The following GRAMD1A variants were observed in gnomAD, a reference collection of about 807,000 sequenced individuals.
GRAMD1A encodes protein Aster-A.
A neutral mutation model predicts 92.0 loss-of-function variants in GRAMD1A; 50 were observed. That is an observed-to-expected ratio of 0.54 (90% CI 0.43 to 0.69). The LOEUF (loss-of-function observed/expected upper bound fraction) is 0.69, where lower values mean the gene tolerates loss of function less well. GRAMD1A is among the 30% of genes least tolerant of loss of function. The probability of loss-of-function intolerance (pLI) is 0.00; values close to 1 mark genes in which losing one functional copy is unlikely to be tolerated. For missense variants in GRAMD1A, 819 were observed against 978.9 expected, an observed-to-expected ratio of 0.84 and a Z score of 2.18; for synonymous variants, 405 against 403.6, an observed-to-expected ratio of 1.00 and a Z score of -0.04.
chr19:35,007,155 C>T (rs2014881548), intron 1 of GRAMD1A, among the ~76,000 whole-genome samples: 1 of 152,190 alleles, frequency 6.6e-6, no homozygotes, highest in South Asian at 2.1e-4. Context: ...AGACCTGACT[C>T]AGATGGTCAC....
At position 35,014,218 on chromosome 19, in the gene GRAMD1A, C is replaced by T. The variant is rs2015460023; in HGVS notation, c.900C>T (p.Asp300=). ...AGGAGGACAAGGAGGAGCAGGTAGACAGCCAGCCAGACGCCTCCTCCAGCC... is the reference window on the plus strand; with the variant it reads ...AGGAGGACAAGGAGGAGCAGGTAGATAGCCAGCCAGACGCCTCCTCCAGCC... ...GAEEDKEEQV[D]SQPDASSSQT... Residue 300 remains aspartate (D), a synonymous_variant, in exon 10 of 20, where the codon GAC becomes GAT. Transcript: ENST00000317991. 1.2e-6 allele frequency: 2 copies of T among 1,613,720 alleles called. No homozygotes were observed. Among genetic ancestry groups the T allele is most frequent in the East Asian group, 2.2e-5 (1 of 44,904 alleles).
chr19:35,008,131 C>G (rs1021583850), intron 1 of GRAMD1A, among the ~76,000 whole-genome samples: 13 of 151,342 alleles, frequency 8.6e-5, no homozygotes, highest in African/African-American at 3.2e-4. Context: ...GAGTTCAAGA[C>G]CAGCCTGGCC....
upstream of GRAMD1A, among the ~76,000 whole-genome samples, chr19:34,995,471 T>A (rs571413254): frequency 1.7e-4 from 25 of 151,320 alleles, 1 homozygote; most frequent in South Asian, 5.2e-3. Flanking sequence ...TCCTATCAGA[T>A]CTCGAGTCTC....
intron 1 of GRAMD1A, among the ~76,000 whole-genome samples, chr19:35,006,566 C>T (rs2014831673): frequency 6.6e-6 from 1 of 152,206 alleles, no homozygotes; most frequent in South Asian, 2.1e-4. Flanking sequence ...CGTGTTTGCA[C>T]AGTGAAGTTG....
intron 19 of GRAMD1A, among the ~76,000 whole-genome samples, chr19:35,024,613 T>C (rs1046884863): frequency 6.6e-6 from 1 of 152,010 alleles, no homozygotes; most frequent in Non-Finnish European, 1.5e-5. Context: ...GAAAATCTTG[T>C]CTCATTGGAC....
chr19:35,020,658 CAAAA>C (rs56181450), intron 13 of GRAMD1A, among the ~76,000 whole-genome samples: 99 of 112,302 alleles, frequency 8.8e-4, no homozygotes, highest in Middle Eastern at 4.6e-3. Flanking sequence ...GACCCTGTCT[CAAAA>C]AAAAAAAAAA....
chr19:35,002,541 C>A (rs971474358), intron 1 of GRAMD1A: 1 of 152,378 alleles, frequency 6.6e-6, no homozygotes, highest in Non-Finnish European at 1.5e-5. Context: ...GCTGGGATTA[C>A]AGGTGCGTGC....
intron 18 of GRAMD1A, 30 bp from the exon 19 acceptor site, chr19:35,023,397 A>G: frequency 6.2e-7 from 1 of 1,611,988 alleles, no homozygotes; most frequent in Non-Finnish European, 8.5e-7. Context: ...GGGGAGGCCA[A>G]GGCCCTGCTC....
chr19:35,024,922 G>C (rs976477476), intron 19 of GRAMD1A: 2 of 152,222 alleles, frequency 1.3e-5, no homozygotes, highest in Admixed American at 6.5e-5. Flanking sequence ...TGAGTAGCTG[G>C]GACTATAGGC....
rs2014323360 is a variant in GRAMD1A at position 35,000,975 on chromosome 19, C to CGGGTCTCGGGGCTGCCGG, written c.8+494_8+511dup. Reference sequence around the variant, plus strand: ...CCCCTCCCACCGTCCTTGGCTGTTGCGGGTCTCGGGGCTGCCGGGGGTGGG... The same window carrying CGGGTCTCGGGGCTGCCGG: ...CCCCTCCCACCGTCCTTGGCTGTTGCGGGTCTCGGGGCTGCCGGGGGTCTCGGGGCTGCCGGGGGTGGG... On this transcript the variant is annotated intron_variant, in intron 1 of 19. Transcript: ENST00000317991. The surrounding 1 kb of genome is among the most constrained non-coding windows in gnomAD (Gnocchi z 4.9). Among the ~76,000 whole-genome samples, 4 of 151,750 alleles carry CGGGTCTCGGGGCTGCCGG rather than the reference C, an allele frequency of 2.6e-5. No homozygotes were observed. In the South Asian group the frequency reaches 8.4e-4, roughly 32 times the overall value.
chr19:35,012,402 G>A (rs1390972124), intron 7 of GRAMD1A, among the ~76,000 whole-genome samples: 3 of 152,238 alleles, frequency 2.0e-5, no homozygotes, highest in Non-Finnish European at 4.4e-5. Context: ...TTAGAAGAAT[G>A]CACCTAGTTG....
At chr19:35,005,478 G>A (rs1485425238) in intron 1 of GRAMD1A, among the ~76,000 whole-genome samples, 2 of 151,998 alleles carry the variant, frequency 1.3e-5, no homozygotes, top group African/African-American at 4.8e-5. Flanking sequence ...GTGCAGGGCT[G>A]ATGAGGGCAG....
chr19:34,997,025 C>T (rs999693725), upstream of GRAMD1A, among the ~76,000 whole-genome samples: 1 of 152,002 alleles, frequency 6.6e-6, no homozygotes, highest in Non-Finnish European at 1.5e-5. Flanking sequence ...TTCCATTGCT[C>T]CCCCCTCCAC....
intron 7 of GRAMD1A, among the ~76,000 whole-genome samples, chr19:35,012,534 C>G (rs1000755245): frequency 2.0e-5 from 3 of 152,198 alleles, no homozygotes; most frequent in Non-Finnish European, 4.4e-5. Context: ...GGAAAAGATT[C>G]GGGGGGCCAC....
upstream of GRAMD1A, chr19:35,000,282 G>C (rs993376196): frequency 8.7e-6 from 9 of 1,032,150 alleles, no homozygotes; most frequent in Middle Eastern, 4.7e-4. This position sits in a 1 kb window ranked among gnomAD's most constrained non-coding sequence, Gnocchi z 4.9. Flanking sequence ...GGGAAGGAAG[G>C]GGGTGTCGCT....
rs1433189268 is a variant in GRAMD1A at position 35,000,595 on chromosome 19, G to C, written c.8+109G>C. On this transcript the variant is annotated intron_variant, in intron 1 of 19. Coordinates refer to ENST00000317991, the MANE Select transcript of GRAMD1A (RefSeq NM_020895.5). This position sits in a 1 kb window ranked among gnomAD's most constrained non-coding sequence, Gnocchi z 4.9. ...GGGCGGAGCGGCCGCTGCAGAGGTC[G>C]GGGGCCTCTGCACATGGCTCTGGCC... 6.2e-6 allele frequency: 5 copies of C among 804,292 alleles called. No individual in the cohort carries two copies. The highest frequency in any genetic ancestry group is 6.6e-6 in the Non-Finnish European group (4 of 607,770). 49.8% of individuals were successfully genotyped at this position (804,292 alleles called of 1,614,324 possible).
At chr19:34,995,674 G>A (rs189302224), upstream of GRAMD1A, among the ~76,000 whole-genome samples, 13 of 147,888 alleles carry the variant, frequency 8.8e-5, no homozygotes, top group East Asian at 2.0e-3. Context: ...CTCAAATTCC[G>A]GGATTCTCAT....
chr19:35,003,144 G>GTT (rs2014527483), intron 1 of GRAMD1A, among the ~76,000 whole-genome samples: 1 of 12,132 alleles, frequency 8.2e-5, no homozygotes, highest in East Asian at 7.6e-3. Context: ...TGCTCTGTGC[G>GTT]TGTGTGTGTG....
At position 35,019,201 on chromosome 19, in the gene GRAMD1A, G is replaced by C; in HGVS notation, c.1224G>C (p.Leu408=). ...LQQCKFTDVT[L]SPWSGDSKCH... ...TCCTCCCTCCTCTAGACGTGACGCTGAGCCCCTGGAGTGGGGACAGCAAGT... is the reference window on the plus strand; with the variant it reads ...TCCTCCCTCCTCTAGACGTGACGCTCAGCCCCTGGAGTGGGGACAGCAAGT... Residue 408 remains leucine (L), a synonymous_variant, in exon 12 of 20, where the codon CTG becomes CTC. Transcript: ENST00000317991. 6.2e-7 allele frequency: 1 copy of C among 1,609,178 alleles called. No homozygotes were observed. Among genetic ancestry groups the C allele is most frequent in the Non-Finnish European group, 8.5e-7 (1 of 1,176,182 alleles).
Sources: allele counts gnomAD v4.1 joint callset (sites outside exome capture counted in the v4.1 genomes callset), GRCh38; gene constraint gnomAD v4.1.1; non-coding constraint Gnocchi (gnomAD v3.1); transcripts MANE v1.5; gene names NCBI Gene and HGNC (gene_info 2026-07-23, HGNC 2026-07-21).